GORASP2: variants seen among roughly 807,000 people sequenced by gnomAD.
GORASP2 encodes golgi reassembly stacking protein 2.
A neutral mutation model predicts 45.7 loss-of-function variants in GORASP2; 22 were observed. That is an observed-to-expected ratio of 0.48 (90% CI 0.34 to 0.69). The LOEUF (loss-of-function observed/expected upper bound fraction) is 0.69. Among genes scored for constraint, GORASP2 ranks in the 30% least tolerant of loss-of-function variants. The pLI is 0.01. For synonymous variants in GORASP2, 221 were observed against 215.6 expected, an observed-to-expected ratio of 1.02 and a Z score of -0.22; for missense variants, 491 against 562.7, an observed-to-expected ratio of 0.87 and a Z score of 1.29.
At chr2:170,933,192 T>A (rs186989164) in intron 1 of GORASP2, among the ~76,000 whole-genome samples, 3 of 152,320 alleles carry the variant, frequency 2.0e-5, no homozygotes, top group East Asian at 1.9e-4. Context: ...AGTCTTTTTT[T>A]AAAAAATAGC....
intron 1 of GORASP2, among the ~76,000 whole-genome samples, chr2:170,934,987 C>CT (rs1400252705): frequency 1.3e-5 from 2 of 152,178 alleles, no homozygotes; most frequent in African/African-American, 4.8e-5. Context: ...ATCCACAGGC[C>CT]TCGGCCTCCC....
In GORASP2 at chr2:170,961,732, C is replaced by T. The variant is rs1224718865; in HGVS notation, c.893C>T (p.Pro298Leu). 6.4e-7 allele frequency: 1 copy of T among 1,572,654 alleles called. No homozygotes were observed. The highest frequency in any genetic ancestry group is 1.3e-5 in the African/African-American group (1 of 74,234). ...QSLTSVPPMN[P>L]ATTLPGLMPL... is the part of the protein sequence containing the mutation. ...CTCACTTCTGTGCCACCAATGAATC[C>T]AGCTACTACATTACCAGGTAACCAC... Residue 298 changes from proline (P) to leucine (L), a missense_variant, in exon 8 of 10, where the codon CCA (proline) becomes CTA (leucine). Coordinates refer to ENST00000234160, the MANE Select transcript of GORASP2 (RefSeq NM_015530.5).
At chr2:170,948,221 T>G in intron 1 of GORASP2, 129 bp from the exon 2 acceptor site, 2 of 634,574 alleles carry the variant, frequency 3.2e-6, no homozygotes, top group Non-Finnish European at 5.6e-6. Context: ...TGAAGAGAAA[T>G]GAGAGAACTA....
chr2:170,941,053 G>T (rs1169940703), intron 1 of GORASP2, among the ~76,000 whole-genome samples: 1 of 152,080 alleles, frequency 6.6e-6, no homozygotes, highest in African/African-American at 2.4e-5. Flanking sequence ...ATTTTTGCTC[G>T]TTGAGGGGTA....
chr2:170,941,791 G>T (rs1704082805), intron 1 of GORASP2, among the ~76,000 whole-genome samples: 1 of 152,020 alleles, frequency 6.6e-6, no homozygotes, highest in South Asian at 2.1e-4. Flanking sequence ...TCAGTTTGGG[G>T]CTTTTATAAA....
intron 3 of GORASP2, chr2:170,949,977 T>C (rs1163677147): frequency 3.7e-6 from 2 of 544,386 alleles, no homozygotes; most frequent in Non-Finnish European, 6.5e-6. Flanking sequence ...TTATAAGATG[T>C]GTTAGAGTAG....
Position 170,956,488 on chromosome 2 carries a change from G to T in GORASP2, c.752G>T (p.Gly251Val). 2 of 1,613,260 alleles carry T rather than the reference G, an allele frequency of 1.2e-6. No homozygotes were observed. Among genetic ancestry groups the T allele is most frequent in the Middle Eastern group, 3.3e-4 (2 of 6,060 alleles). Residue 251 changes from glycine (G) to valine (V), a missense_variant, in exon 7 of 10, where the codon GGA becomes GTA. Gly to Val is a moderately radical substitution (Grantham distance 109). Coordinates refer to ENST00000234160, the MANE Select transcript of GORASP2 (RefSeq NM_015530.5). ...PPSLSPPGTT[G>V]IEQSLTGLSI... ...TCTTTGTCACCACCAGGAACTACAG[G>T]AATTGAACAGAGTCTGACTGGACTT... is the stretch of plus-strand genomic sequence containing the variant.
At chr2:170,961,560 C>A (rs1409063779) in intron 7 of GORASP2, 103 bp from the exon 8 acceptor site, 13 of 757,786 alleles carry the variant, frequency 1.7e-5, no homozygotes, top group Non-Finnish European at 2.9e-5. Flanking sequence ...AAATGAAGAC[C>A]TGACCACGGG....
At chr2:170,949,479 A>G (rs768310884) in intron 2 of GORASP2, 60 bp from the exon 3 acceptor site, 23 of 1,173,032 alleles carry the variant, frequency 2.0e-5, no homozygotes, top group Admixed American at 5.1e-5. Context: ...GGGCCATAGG[A>G]TGCTTAAGCT....
intron 1 of GORASP2, 149 bp from the exon 2 acceptor site, chr2:170,948,201 C>T (rs1704220679): frequency 1.6e-6 from 1 of 614,420 alleles, no homozygotes. Context: ...CGGGCATTAT[C>T]TGGGAGAGAT....
At position 170,954,697 on chromosome 2, in the gene GORASP2, G is replaced by T; in HGVS notation, c.614G>T (p.Arg205Leu). Reference protein sequence around the residue: ...GYGYLHRIPTRPFEEGKKISL... With the variant: ...GYGYLHRIPTLPFEEGKKISL... ...GGTTATTTGCATCGAATACCTACACGCCCATTTGAGGAAGGAAAGAAAATT... is the reference window on the plus strand; with the variant it reads ...GGTTATTTGCATCGAATACCTACACTCCCATTTGAGGAAGGAAAGAAAATT... The change falls in exon 6 of 10, where the codon CGC (arginine) becomes CTC (leucine). Residue 205 changes from arginine (R) to leucine (L), a missense_variant. Arg to Leu is a moderately radical substitution (Grantham distance 102, BLOSUM62 -2). Around this residue, in one of 2 missense-constraint regions of GORASP2, gnomAD observed 194 missense variants for 270.4 expected, o/e 0.72. Transcript: ENST00000234160. 3.1e-6 allele frequency: 5 copies of T among 1,612,722 alleles called. No homozygotes were observed. Among genetic ancestry groups the T allele is most frequent in the Non-Finnish European group, 4.2e-6 (5 of 1,178,876 alleles).
intron 5 of GORASP2, among the ~76,000 whole-genome samples, chr2:170,952,987 T>C (rs1409569970): frequency 6.6e-6 from 1 of 152,142 alleles, no homozygotes; most frequent in Non-Finnish European, 1.5e-5. Context: ...AATTGCAGTT[T>C]TGATTGTGAG....
intron 1 of GORASP2, among the ~76,000 whole-genome samples, chr2:170,937,008 G>C (rs1703974139): frequency 6.6e-6 from 1 of 152,088 alleles, no homozygotes; most frequent in African/African-American, 2.4e-5. Context: ...AGGAGTTCAA[G>C]ACCAGTCTGG....
At chr2:170,948,493 C>G in intron 2 of GORASP2, 63 bp downstream of exon 2, 1 of 861,856 alleles carries the variant, frequency 1.2e-6, no homozygotes, top group Non-Finnish European at 1.9e-6. Flanking sequence ...TGGAATTTTT[C>G]AGATGACCTG....
At chr2:170,944,689 A>G (rs926573823) in intron 1 of GORASP2, among the ~76,000 whole-genome samples, 3 of 152,214 alleles carry the variant, frequency 2.0e-5, no homozygotes, top group South Asian at 2.1e-4. Context: ...AGCTTTCTAC[A>G]TGAGTGATTA....
intron 9 of GORASP2, among the ~76,000 whole-genome samples, chr2:170,963,214 A>G (rs1416945198): frequency 2.6e-5 from 4 of 152,044 alleles, no homozygotes; most frequent in Non-Finnish European, 5.9e-5. Flanking sequence ...CTCTACTGAA[A>G]AAATATAAAC....
intron 1 of GORASP2, among the ~76,000 whole-genome samples, chr2:170,938,807 A>G (rs1048576938): frequency 6.6e-6 from 1 of 152,230 alleles, no homozygotes; most frequent in Non-Finnish European, 1.5e-5. Flanking sequence ...CCTGGCCAAC[A>G]TGGTGAAACC....
chr2:170,960,249 T>C (rs1041309831), intron 7 of GORASP2, among the ~76,000 whole-genome samples: 3 of 152,230 alleles, frequency 2.0e-5, no homozygotes, highest in Non-Finnish European at 4.4e-5. Context: ...CCTTGAACAA[T>C]GTGTAACATA....
rs1417684779 is a variant in GORASP2 at position 170,948,417 on chromosome 2, A to G, written c.131A>G (p.Asn44Ser). The change falls in exon 2 of 10, where the codon AAT (asparagine) becomes AGT (serine). Residue 44 changes from asparagine to serine, a missense_variant. Transcript: ENST00000234160. Reference protein sequence around the residue: ...EPFFDFIVSINGSRLNKDNDT... With the variant: ...EPFFDFIVSISGSRLNKDNDT... ...TTCTTTGATTTTATTGTTTCTATTA[A>G]TGGTTCAAGATTAGTAAGTTCAACT... is the stretch of plus-strand genomic sequence containing the variant. 4 of 1,537,282 alleles carry G rather than the reference A, an allele frequency of 2.6e-6. No individual in the cohort carries two copies. The highest frequency in any genetic ancestry group is 3.6e-6 in the Non-Finnish European group (4 of 1,112,326).
Sources: allele counts gnomAD v4.1 joint callset (sites outside exome capture counted in the v4.1 genomes callset), GRCh38; gene constraint gnomAD v4.1.1; regional missense constraint gnomAD v4.1.1; transcripts MANE v1.5; gene names NCBI Gene and HGNC (gene_info 2026-07-23, HGNC 2026-07-21).